The following ACAP2 variants were observed in gnomAD, a reference collection of about 807,000 sequenced individuals.
ACAP2 encodes the protein arf-GAP with coiled-coil, ANK repeat and PH domain-containing protein 2.
ACAP2 carries 39 observed loss-of-function variants against 115.8 expected under a neutral mutation model. The observed-to-expected ratio is 0.34, with a 90% CI of 0.26 to 0.44. The LOEUF (loss-of-function observed/expected upper bound fraction) is 0.44, where lower values mean the gene tolerates loss of function less well. Ranked by LOEUF, ACAP2 falls within the 20% of genes least tolerant of loss-of-function variation. The pLI is 1.00. For synonymous variants in ACAP2, 289 were observed against 315.8 expected, an observed-to-expected ratio of 0.92 and a Z score of 0.90; for missense variants, 662 against 927.6, an observed-to-expected ratio of 0.71 and a Z score of 3.72.
At chr3:195,302,557 C>T (rs1352899286) in intron 13 of ACAP2, among the ~76,000 whole-genome samples, 1 of 151,432 alleles carries the variant, frequency 6.6e-6, no homozygotes, top group East Asian at 1.9e-4. Flanking sequence ...TTTTCCAAGG[C>T]GTTCAATAAA....
intron 1 of ACAP2, among the ~76,000 whole-genome samples, chr3:195,417,611 C>A (rs1713843837): frequency 6.6e-6 from 1 of 152,182 alleles, no homozygotes; most frequent in Admixed American, 6.5e-5. Flanking sequence ...GACGTCGACA[C>A]ACTGCAAGTA....
chr3:195,300,034 CTTTTTTTTTCTTTTTTT>C (rs1727931852), intron 15 of ACAP2, among the ~76,000 whole-genome samples: 1 of 141,892 alleles, frequency 7.0e-6, no homozygotes, highest in East Asian at 2.2e-4. Flanking sequence ...TTTCTTTTTT[CTTTTTTTTTCTTTTTTT>C]TTTTTTTTTT....
At chr3:195,415,110 A>G (rs1391872695) in intron 1 of ACAP2, among the ~76,000 whole-genome samples, 1 of 152,098 alleles carries the variant, frequency 6.6e-6, no homozygotes, top group Admixed American at 6.6e-5. Flanking sequence ...GAAACCATGG[A>G]CTTTGGGTGA....
rs532505400 is a variant in ACAP2, at chr3:195,432,345, A to G, written c.53+10450T>C. 2.0e-5 allele frequency among the ~76,000 whole-genome samples: 3 copies of G among 152,270 alleles called. No individual in the cohort carries two copies. In the South Asian group the frequency reaches 6.2e-4, roughly 32 times the overall value. On this transcript the variant is annotated intron_variant, in intron 1 of 22. Coordinates refer to ENST00000326793, the MANE Select transcript of ACAP2 (RefSeq NM_012287.6). ...GGTCTTCCATGCAGGCCTGTGATCT[A>G]TTTTGAGTTAATTTTTGCCTATGAC...
At chr3:195,415,372 G>A (rs573814924) in intron 1 of ACAP2, among the ~76,000 whole-genome samples, 15 of 150,188 alleles carry the variant, frequency 1.0e-4, no homozygotes, top group Admixed American at 3.4e-4. Flanking sequence ...CGCCTCCCAC[G>A]TTCAAGAGAT....
At chr3:195,343,459 AAAC>A (rs1180647655) in intron 5 of ACAP2, among the ~76,000 whole-genome samples, 1 of 152,144 alleles carries the variant, frequency 6.6e-6, no homozygotes, top group African/African-American at 2.4e-5. Context: ...ACACTCTAAG[AAAC>A]AACATTGATT....
intron 4 of ACAP2, among the ~76,000 whole-genome samples, chr3:195,359,727 A>G (rs1732225603): frequency 6.6e-6 from 1 of 152,182 alleles, no homozygotes; most frequent in South Asian, 2.1e-4. Context: ...CCAGCCTCCC[A>G]AAGTGCTGGG....
intron 1 of ACAP2, among the ~76,000 whole-genome samples, chr3:195,401,446 CT>C (rs1461140994): frequency 1.3e-5 from 2 of 152,186 alleles, no homozygotes; most frequent in African/African-American, 4.8e-5. Flanking sequence ...GGGTGGATCT[CT>C]TGAGGTCAGG....
intron 1 of ACAP2, among the ~76,000 whole-genome samples, chr3:195,398,604 T>C (rs1242743318): frequency 6.6e-6 from 1 of 151,462 alleles, no homozygotes; most frequent in African/African-American, 2.4e-5. Flanking sequence ...ACCATTGCAC[T>C]CCAGCCTGGG....
At chr3:195,393,327 A>G (rs1262373082) in intron 1 of ACAP2, among the ~76,000 whole-genome samples, 2 of 152,146 alleles carry the variant, frequency 1.3e-5, no homozygotes, top group Non-Finnish European at 2.9e-5. Context: ...AAAAAACTCT[A>G]TTTCCAGAAC....
intron 4 of ACAP2, among the ~76,000 whole-genome samples, chr3:195,362,195 A>C (rs1013532859): frequency 6.6e-6 from 1 of 152,034 alleles, no homozygotes; most frequent in Non-Finnish European, 1.5e-5. Context: ...ACTTGCCTGT[A>C]ATCCCAGCTA....
chr3:195,333,818 G>A (rs1251534264), intron 7 of ACAP2, among the ~76,000 whole-genome samples: 1 of 152,110 alleles, frequency 6.6e-6, no homozygotes, highest in African/African-American at 2.4e-5. Flanking sequence ...AATATAAAGT[G>A]CTCAAAATAA....
At chr3:195,402,199 G>C (rs1167189533) in intron 1 of ACAP2, among the ~76,000 whole-genome samples, 1 of 152,136 alleles carries the variant, frequency 6.6e-6, no homozygotes, top group Non-Finnish European at 1.5e-5. Context: ...GTAAACATTT[G>C]TTGAATGGGT....
At chr3:195,442,360 T>C (rs1215724345) in intron 1 of ACAP2, 4 of 199,726 alleles carry the variant, frequency 2.0e-5, no homozygotes, top group Middle Eastern at 3.8e-3. Flanking sequence ...GAGGATGCCC[T>C]GAAAGCTCCC....
rs1198062075 is a variant in ACAP2, at chr3:195,343,224, T to TG, written c.345-571dup. On this transcript the variant is annotated intron_variant, in intron 5 of 22. Coordinates refer to ENST00000326793, the MANE Select transcript of ACAP2 (RefSeq NM_012287.6). ...AACATTACAGAAACATAAAGTTAAT[T>TG]GTTTTTCTAAAGACAAATTCAGGGA... Among the ~76,000 whole-genome samples the TG allele has an allele frequency of 3.9e-5, 6 of 152,336 alleles. No homozygotes were observed. The East Asian group carries it at 7.7e-4, about 20-fold the overall frequency.
intron 1 of ACAP2, among the ~76,000 whole-genome samples, chr3:195,424,590 C>T (rs898954335): frequency 2.0e-5 from 3 of 151,492 alleles, no homozygotes; most frequent in Non-Finnish European, 2.9e-5. Context: ...TGAGCCACCG[C>T]GCCCGGCCAG....
intron 6 of ACAP2, among the ~76,000 whole-genome samples, chr3:195,341,385 T>C (rs974747067): frequency 2.9e-5 from 4 of 135,658 alleles, no homozygotes; most frequent in East Asian, 2.3e-4. Flanking sequence ...AGTGCAGTGG[T>C]GCGATCTCAG....
chr3:195,369,651 T>A (rs1732985255), intron 4 of ACAP2, among the ~76,000 whole-genome samples: 1 of 152,242 alleles, frequency 6.6e-6, no homozygotes, highest in South Asian at 2.1e-4. Context: ...CTTTATCCAA[T>A]CTGTCATTAA....
chr3:195,332,528 T>C (rs1490432814), intron 8 of ACAP2, among the ~76,000 whole-genome samples: 1 of 152,176 alleles, frequency 6.6e-6, no homozygotes, highest in Non-Finnish European at 1.5e-5. Context: ...TGCTATAGCA[T>C]CCAACTTCAT....
Sources: allele counts gnomAD v4.1 joint callset (sites outside exome capture counted in the v4.1 genomes callset), GRCh38; gene constraint gnomAD v4.1.1; transcripts MANE v1.5; gene names NCBI Gene and HGNC (gene_info 2026-07-23, HGNC 2026-07-21).